Variants in MROH2A observed in about 807,000 individuals in gnomAD.
MROH2A encodes maestro heat-like repeat-containing protein family member 2A.
A neutral mutation model predicts 200.4 loss-of-function variants in MROH2A; 174 were observed. That is an observed-to-expected ratio of 0.87 (90% CI 0.77 to 0.98). MROH2A has a LOEUF of 0.98. Among genes scored for constraint, MROH2A ranks in the 50% least tolerant of loss-of-function variants. The pLI is 0.00. For missense variants in MROH2A, 2,045 were observed against 2,139.6 expected (o/e 0.96, Z 0.87); for synonymous variants, 829 against 840.4 (o/e 0.99, Z 0.23).
Position 233,792,883 on chromosome 2 carries a change from C to T in MROH2A, c.659C>T (p.Ala220Val), listed in dbSNP as rs868460242. ...RLANEAKIRQ[A>V]ICSAMETFCE... is the part of the protein sequence containing the mutation. ...GCCAATGAAGCCAAGATACGCCAGG[C>T]GATCTGCAGTGGTGAGTGTCCCACT... The change falls in exon 6 of 42, where the codon GCG becomes GTG. Residue 220 changes from alanine to valine, a missense_variant. Physicochemically the swap from Ala to Val is moderately conservative, Grantham distance 64 (BLOSUM62 0). Transcript: ENST00000389758. The T allele has an allele frequency of 3.7e-5, 57 of 1,550,376 alleles. No homozygotes were observed. Among genetic ancestry groups the T allele is most frequent in the Middle Eastern group, 1.7e-4 (1 of 6,014 alleles).
chr2:233,792,162 T>G (rs528432145), intron 5 of MROH2A, among the ~76,000 whole-genome samples: 8 of 152,160 alleles, frequency 5.3e-5, no homozygotes, highest in Admixed American at 3.9e-4. Flanking sequence ...GGGGGCTGCT[T>G]CTTTCTGCTT....
rs982074619 is a variant in MROH2A at position 233,792,820 on chromosome 2, G to C, written c.596G>C (p.Gly199Ala). 6.5e-7 allele frequency: 1 copy of C among 1,549,576 alleles called. No individual in the cohort carries two copies. Among genetic ancestry groups the C allele is most frequent in the Non-Finnish European group, 8.7e-7 (1 of 1,146,262 alleles). ...GTGTTTGAGTTCATGCCATACATGG[G>C]CATCACCCTGGCTACCATATTCACC... ...GNVFEFMPYM[G>A]ITLATIFTML... The change falls in exon 6 of 42, where the codon GGC becomes GCC. Residue 199 changes from glycine to alanine, a missense_variant. Around this residue, in one of 3 missense-constraint regions of MROH2A, gnomAD observed 831 missense variants for 800.0 expected, o/e 1.04. Transcript: ENST00000389758.
At chr2:233,817,478 TG>T (rs1255954919) in intron 27 of MROH2A, among the ~76,000 whole-genome samples, 1 of 151,354 alleles carries the variant, frequency 6.6e-6, no homozygotes, top group Admixed American at 6.6e-5. Context: ...TGGATGGAGG[TG>T]GGGATGAAGG....
At chr2:233,793,022 T>A in intron 6 of MROH2A, 128 bp downstream of exon 6, 1 of 940,654 alleles carries the variant, frequency 1.1e-6, no homozygotes, top group Non-Finnish European at 1.6e-6. Context: ...CAAAGGAGTT[T>A]GCTTAATCTT....
Position 233,796,057 on chromosome 2 carries a change from C to G in MROH2A, c.1138+12C>G. 6.5e-7 allele frequency: 1 copy of G among 1,549,588 alleles called. No homozygotes were observed. The highest frequency in any genetic ancestry group is 8.7e-7 in the Non-Finnish European group (1 of 1,146,340). On this transcript the variant is annotated intron_variant, in intron 10 of 41. Transcript: ENST00000389758. The stretch of plus-strand genomic sequence containing the variant: ...CTTCGTAGCCCTTGGTGAGGCTCTG[C>G]GGCAGGGTGCTCCCTGCCTGCCCCG...
chr2:233,776,454 C>G (rs1700709467), upstream of MROH2A, among the ~76,000 whole-genome samples: 3 of 149,748 alleles, frequency 2.0e-5, no homozygotes, highest in Non-Finnish European at 4.4e-5. Flanking sequence ...CTCCTGGGTT[C>G]AAGTGATTCT....
chr2:233,802,096 C>T, intron 14 of MROH2A, 72 bp from the exon 15 acceptor site: 4 of 1,457,692 alleles, frequency 2.7e-6, no homozygotes, highest in Non-Finnish European at 3.7e-6. Flanking sequence ...CATGGCAGAG[C>T]CTGACTGTTC....
chr2:233,800,238 T>C lies in MROH2A; in HGVS notation c.1483T>C (p.Leu495=). 6 of 1,550,138 alleles carry C rather than the reference T, an allele frequency of 3.9e-6. No homozygotes were observed. The highest frequency in any genetic ancestry group is 5.2e-6 in the Non-Finnish European group (6 of 1,146,788). Residue 495 remains leucine, a synonymous_variant, in exon 14 of 42, where the codon TTG becomes CTG. Coordinates refer to ENST00000389758, the MANE Select transcript of MROH2A (RefSeq NM_001394639.1). ...CCGGGAGAAGTTTTATCAGAGGGACTTGGAGGAGAGGATGGTCCACAAAGT... is the reference window on the plus strand; with the variant it reads ...CCGGGAGAAGTTTTATCAGAGGGACCTGGAGGAGAGGATGGTCCACAAAGT... The part of the protein sequence containing the change: ...NRREKFYQRD[L]EERMVHKVTM...
chr2:233,797,829 G>A lies in MROH2A; in HGVS notation c.1253-945G>A, dbSNP rs148040679. Among the ~76,000 whole-genome samples, 401 of 152,134 alleles carry A rather than the reference G, an allele frequency of 2.6e-3. 1 individual carries two copies. The highest frequency in any genetic ancestry group is 9.0e-3 in the African/African-American group (375 of 41,476). On this transcript the variant is annotated intron_variant, in intron 11 of 41. Coordinates refer to ENST00000389758, the MANE Select transcript of MROH2A (RefSeq NM_001394639.1). ...AACTCCCACTTATGAGTGAGAACATGCACTGTTTGGTTTTCTGTTCCTGGG... is the reference window on the plus strand; with the variant it reads ...AACTCCCACTTATGAGTGAGAACATACACTGTTTGGTTTTCTGTTCCTGGG...
intron 3 of MROH2A, among the ~76,000 whole-genome samples, chr2:233,788,453 A>T (rs1286943510): frequency 6.6e-6 from 1 of 151,586 alleles, no homozygotes; most frequent in East Asian, 1.9e-4. Flanking sequence ...CAAGACCAAG[A>T]CTCCCTGTAC....
chr2:233,803,673 A>G (rs1702615161), intron 16 of MROH2A, among the ~76,000 whole-genome samples, 185 bp downstream of exon 16: 1 of 152,224 alleles, frequency 6.6e-6, no homozygotes, highest in Non-Finnish European at 1.5e-5. Flanking sequence ...TGGTAGAAGC[A>G]GTGCACTTGT....
At position 233,813,662 on chromosome 2, in the gene MROH2A, T is replaced by G; in HGVS notation, c.2652-8T>G. 6.5e-7 allele frequency: 1 copy of G among 1,528,838 alleles called. No homozygotes were observed. Among genetic ancestry groups the G allele is most frequent in the Non-Finnish European group, 8.9e-7 (1 of 1,127,754 alleles). 94.7% of individuals were successfully genotyped at this position (1,528,838 alleles called of 1,614,324 possible). A position where few individuals can be genotyped will look rare whatever the true frequency, so the allele number is the denominator to read the frequency against. ...ACTGTTCCTCTCTTGTCACTGCTTC[T>G]TCTCCAGCAAGCTGAAGCCTTTCTA... On this transcript the variant is annotated splice_region_variant and splice_polypyrimidine_tract_variant and intron_variant, in intron 24 of 41. Coordinates refer to ENST00000389758, the MANE Select transcript of MROH2A (RefSeq NM_001394639.1).
At position 233,779,669 on chromosome 2, in the gene MROH2A, AG is replaced by A; in HGVS notation, c.95del. On this transcript the variant is annotated splice_acceptor_variant, in intron 2 of 41. Coordinates refer to ENST00000389758, the MANE Select transcript of MROH2A (RefSeq NM_001394639.1). LOFTEE classifies it high-confidence loss of function. ...GCACCTGGGTGGCGTTTGTTTTCAT[AG>A]GTACCTTTCAACAAGTCGTGAACCT... 3 of 1,550,950 alleles carry A rather than the reference AG, an allele frequency of 1.9e-6. No individual in the cohort carries two copies. The highest frequency in any genetic ancestry group is 1.2e-5 in the South Asian group (1 of 84,016).
Sources: allele counts gnomAD v4.1 joint callset (sites outside exome capture counted in the v4.1 genomes callset), GRCh38; gene constraint gnomAD v4.1.1; regional missense constraint gnomAD v4.1.1; transcripts MANE v1.5; gene names NCBI Gene and HGNC (gene_info 2026-07-23, HGNC 2026-07-21).